The following LUC7L3 variants were observed in gnomAD, a reference collection of about 807,000 sequenced individuals.
LUC7L3 encodes the protein LUC7 like 3 pre-mRNA splicing factor, also known as luc7-like protein 3.
A neutral mutation model predicts 66.8 loss-of-function variants in LUC7L3; 6 were observed. That is an observed-to-expected ratio of 0.09 (90% CI 0.05 to 0.18). LUC7L3 has a LOEUF of 0.18. Among genes scored for constraint, LUC7L3 ranks in the 10% least tolerant of loss-of-function variants. The probability of loss-of-function intolerance (pLI) is 1.00; values close to 1 mark genes in which losing one functional copy is unlikely to be tolerated. For synonymous variants in LUC7L3, 160 were observed against 174.7 expected (o/e 0.92, Z 0.66); for missense variants, 341 against 531.1 (o/e 0.64, Z 3.52).
chr17:50,751,752 AGCAGTGTGAATAGCAAG>A lies in LUC7L3; in HGVS notation c.*1093_*1109del. The A allele has an allele frequency of 9.7e-7, 1 of 1,030,922 alleles. No individual in the cohort carries two copies. The highest frequency in any genetic ancestry group is 3.5e-5 in the South Asian group (1 of 28,692). 63.9% of individuals were successfully genotyped at this position (1,030,922 alleles called of 1,614,324 possible). On this transcript the variant is annotated 3_prime_UTR_variant, in exon 10 of 10. Coordinates refer to ENST00000505658, the MANE Select transcript of LUC7L3 (RefSeq NM_016424.5). ...ACTCACTGGCTGATACATTTAAAGC[AGCAGTGTGAATAGCAAG>A]GACAGACACCTTCAATTTGTGAAAT...
chr17:50,741,811 A>G, intron 5 of LUC7L3, 80 bp downstream of exon 5: 1 of 1,061,590 alleles, frequency 9.4e-7, no homozygotes, highest in South Asian at 1.3e-5. Context: ...TGGGCCAGGC[A>G]TGGTAACTCA....
intron 9 of LUC7L3, among the ~76,000 whole-genome samples, chr17:50,749,661 G>A (rs1014116946): frequency 6.6e-6 from 1 of 152,132 alleles, no homozygotes; most frequent in East Asian, 1.9e-4. Context: ...GCTATTCTTA[G>A]TAAGGGGAAA....
At chr17:50,746,219 C>T (rs892380183) in intron 8 of LUC7L3, among the ~76,000 whole-genome samples, 1 of 152,094 alleles carries the variant, frequency 6.6e-6, no homozygotes, top group Non-Finnish European at 1.5e-5. Context: ...TTCACCCAAC[C>T]TTTTTACAAA....
chr17:50,737,084 G>A, intron 2 of LUC7L3, 58 bp downstream of exon 2: 2 of 1,266,962 alleles, frequency 1.6e-6, no homozygotes, highest in Non-Finnish European at 2.2e-6. Context: ...ATGTTGAATA[G>A]GAGTGGTGAA....
chr17:50,744,044 CCT>C (rs1970513695), intron 6 of LUC7L3, among the ~76,000 whole-genome samples: 1 of 152,180 alleles, frequency 6.6e-6, no homozygotes, highest in African/African-American at 2.4e-5. Flanking sequence ...TAGCAAAAGG[CCT>C]CTCTGGCTTG....
At chr17:50,737,070 TA>T in intron 2 of LUC7L3, 44 bp downstream of exon 2, 4 of 1,443,264 alleles carry the variant, frequency 2.8e-6, no homozygotes, top group Non-Finnish European at 3.8e-6. Flanking sequence ...TTATGATATT[TA>T]AAATGTTGAA....
At chr17:50,724,643 GTGTC>G (rs955079745) in intron 1 of LUC7L3, among the ~76,000 whole-genome samples, 7 of 140,742 alleles carry the variant, frequency 5.0e-5, no homozygotes, top group African/African-American at 8.0e-5. Context: ...GTGTGTGTGT[GTGTC>G]ATTATATATG....
At chr17:50,730,510 C>T (rs1969518102) in intron 1 of LUC7L3, among the ~76,000 whole-genome samples, 1 of 27,398 alleles carries the variant, frequency 3.6e-5, no homozygotes, top group Non-Finnish European at 5.6e-5. Flanking sequence ...AAGACTCTGT[C>T]TCCAAAAAAA....
At chr17:50,737,518 TGAGA>T (rs1244157269) in intron 2 of LUC7L3, 2 of 284,792 alleles carry the variant, frequency 7.0e-6, no homozygotes, top group African/African-American at 2.3e-5. Context: ...GGGCTGAAAA[TGAGA>T]GAGATTAGTC....
intron 1 of LUC7L3, among the ~76,000 whole-genome samples, chr17:50,731,801 C>G (rs1255373242): frequency 1.3e-5 from 2 of 152,156 alleles, no homozygotes; most frequent in African/African-American, 4.8e-5. Context: ...GATTAGGTAG[C>G]TTCTGGTTAG....
chr17:50,731,037 T>C (rs1203374742), intron 1 of LUC7L3, among the ~76,000 whole-genome samples: 1 of 152,248 alleles, frequency 6.6e-6, no homozygotes, highest in East Asian at 1.9e-4. Flanking sequence ...TGTAGGTATT[T>C]AGAGAGTTTG....
intron 2 of LUC7L3, chr17:50,738,120 C>G (rs569246896): frequency 2.2e-6 from 1 of 455,796 alleles, no homozygotes; most frequent in East Asian, 6.9e-5. Context: ...AGGATACAGC[C>G]AGATGTTTTT....
intron 4 of LUC7L3, 68 bp downstream of exon 4, chr17:50,741,314 A>G: frequency 6.8e-7 from 1 of 1,473,412 alleles, no homozygotes; most frequent in Non-Finnish European, 9.2e-7. Flanking sequence ...CCTCCCTAAT[A>G]TTTTTGAAAC....
At chr17:50,736,765 T>C in intron 1 of LUC7L3, 195 bp from the exon 2 acceptor site, 1 of 547,620 alleles carries the variant, frequency 1.8e-6, no homozygotes, top group South Asian at 2.3e-5. Flanking sequence ...ATACGAGTAC[T>C]GCAGATTTAT....
chr17:50,736,902 C>G, intron 1 of LUC7L3, 58 bp from the exon 2 acceptor site: 2 of 1,017,016 alleles, frequency 2.0e-6, no homozygotes, highest in South Asian at 1.4e-5. Context: ...TGGCACCTTT[C>G]TCCAATAAAG....
intron 1 of LUC7L3, among the ~76,000 whole-genome samples, chr17:50,733,248 G>GTTTTT (rs57619229): frequency 1.4e-5 from 2 of 144,448 alleles, no homozygotes; most frequent in Non-Finnish European, 3.0e-5. Context: ...GTAAAACTTT[G>GTTTTT]TTTTTTTTTT....
chr17:50,747,959 C>T (rs1970779567), intron 9 of LUC7L3, among the ~76,000 whole-genome samples: 1 of 152,174 alleles, frequency 6.6e-6, no homozygotes, highest in Non-Finnish European at 1.5e-5. Flanking sequence ...AATCTTTTTG[C>T]AAGACTTTCT....
intron 1 of LUC7L3, chr17:50,722,734 T>A (rs946820034): frequency 1.3e-5 from 2 of 152,194 alleles, no homozygotes; most frequent in African/African-American, 4.8e-5. Flanking sequence ...CATCGACCAT[T>A]TATTTGTAAT....
chr17:50,746,052 TAAC>T lies in LUC7L3; in HGVS notation c.977+52_977+54del, dbSNP rs756574179. 5 of 1,526,684 alleles carry T rather than the reference TAAC, an allele frequency of 3.3e-6. No homozygotes were observed. The African/African-American group carries it at 5.6e-5, about 17-fold the overall frequency. 94.6% of individuals were successfully genotyped at this position (1,526,684 alleles called of 1,614,324 possible). On this transcript the variant is annotated intron_variant, in intron 8 of 9. Transcript: ENST00000505658. ...TGTCCAGCTCATAATGGGTGTGCAA[TAAC>T]AATAATAACTACTAGTATTATTCCT...
Sources: gnomAD v4.1 joint callset for allele counts (sites outside exome capture counted in the v4.1 genomes callset) on GRCh38, gnomAD v4.1.1 for gene constraint, MANE v1.5 for transcripts, NCBI Gene and HGNC (gene_info 2026-07-23, HGNC 2026-07-21) for gene names.